Variants in ZNF14 observed in about 807,000 individuals in gnomAD.
ZNF14 encodes zinc finger protein 14.
Under a neutral mutation model 11.3 loss-of-function variants are expected in ZNF14, and 9 were observed. The observed-to-expected ratio is 0.80, with a 90% CI of 0.48 to 1.39. ZNF14 has a LOEUF of 1.39. ZNF14 is among the 40% of genes most tolerant of loss of function. The pLI is 0.00. For synonymous variants in ZNF14, 239 were observed against 245.7 expected (o/e 0.97, Z 0.25); for missense variants, 711 against 763.9 (o/e 0.93, Z 0.82).
intron 1 of ZNF14, among the ~76,000 whole-genome samples, chr19:19,716,977 C>T (rs2062379572): frequency 6.6e-6 from 1 of 152,228 alleles, no homozygotes; most frequent in African/African-American, 2.4e-5. Context: ...TTTTGTCTTC[C>T]CAACACCAAT....
At chr19:19,723,964 TTCTC>T (rs1319117297) in intron 1 of ZNF14, among the ~76,000 whole-genome samples, 3 of 134,036 alleles carry the variant, frequency 2.2e-5, no homozygotes, top group Admixed American at 7.3e-5. Context: ...TATTTGATTC[TTCTC>T]TCTTTTATTC....
At chr19:19,721,808 C>T (rs911434058) in intron 1 of ZNF14, among the ~76,000 whole-genome samples, 1 of 151,860 alleles carries the variant, frequency 6.6e-6, no homozygotes, top group African/African-American at 2.4e-5. Context: ...CTAAAAAATA[C>T]AAAAATTAGC....
intron 1 of ZNF14, among the ~76,000 whole-genome samples, chr19:19,731,874 T>A (rs910219148): frequency 6.6e-6 from 1 of 152,166 alleles, no homozygotes; most frequent in Admixed American, 6.5e-5. Flanking sequence ...GAGACCATCC[T>A]GGCTAACACG....
rs534364282 is a variant in ZNF14, at chr19:19,730,043, G to GT, written c.3+2912dup. ...CAAACTACCTTTATTTATTTAGTTA[G>GT]TTTTTTTTGAGACAGAGTCTCAAGG... is the stretch of plus-strand genomic sequence containing the variant. On this transcript the variant is annotated intron_variant, in intron 1 of 3. Coordinates refer to ENST00000344099, the MANE Select transcript of ZNF14 (RefSeq NM_021030.3). Among the ~76,000 whole-genome samples, 21 of 151,960 alleles carry GT rather than the reference G, an allele frequency of 1.4e-4. No individual in the cohort carries two copies. In the South Asian group the frequency reaches 4.0e-3, roughly 29 times the overall value.
In ZNF14 at chr19:19,727,451, T is replaced by A. The variant is rs1410422484; in HGVS notation, c.3+5505A>T. 4.5e-5 allele frequency among the ~76,000 whole-genome samples: 6 copies of A among 131,870 alleles called. 1 individual carries two copies. The highest frequency in any genetic ancestry group is 1.0e-4 in the Non-Finnish European group (6 of 59,732). The allele number at this position is 131,870 out of a possible 152,430, so 86.5% of individuals were successfully genotyped here. A position where few individuals can be genotyped will look rare whatever the true frequency, so the allele number is the denominator to read the frequency against. On this transcript the variant is annotated intron_variant, in intron 1 of 3. Coordinates refer to ENST00000344099, the MANE Select transcript of ZNF14 (RefSeq NM_021030.3). ...GCACGCAGCCTAAAATATTTTAGAA[T>A]ATAAAAGGGATATAACAGATACAAC...
At position 19,712,581 on chromosome 19, in the gene ZNF14, A is replaced by G. The variant is rs780872280; in HGVS notation, c.700T>C (p.Cys234Arg). ...ECKQCGKAFICYQSFQRHKRT... is the reference protein window; with the variant it reads ...ECKQCGKAFIRYQSFQRHKRT... ...TTGTGTCTTTGAAAAGATTGGTAAC[A>G]TATAAAGGCTTTCCCACACTGTTTA... Residue 234 changes from cysteine to arginine, a missense_variant, in exon 4 of 4, where the codon TGT becomes CGT. Physicochemically the swap from Cys to Arg is radical, Grantham distance 180. Transcript: ENST00000344099. 1.9e-6 allele frequency: 3 copies of G among 1,612,900 alleles called. No individual in the cohort carries two copies. The highest frequency in any genetic ancestry group is 3.3e-5 in the Admixed American group (2 of 59,710).
intron 1 of ZNF14, among the ~76,000 whole-genome samples, chr19:19,729,106 A>G (rs1440571214): frequency 6.6e-6 from 1 of 151,802 alleles, no homozygotes; most frequent in East Asian, 1.9e-4. Flanking sequence ...CCTCCCAAGT[A>G]GCTGGGATTA....
rs779798685 is a variant in ZNF14, at chr19:19,711,482, C to T, written c.1799G>A (p.Ser600Asn). 6.8e-6 allele frequency: 11 copies of T among 1,613,812 alleles called. No individual in the cohort carries two copies. The highest frequency in any genetic ancestry group is 6.7e-5 in the Admixed American group (4 of 59,972). The change falls in exon 4 of 4, where the codon AGT becomes AAT. Residue 600 changes from serine (S) to asparagine (N), a missense_variant. Physicochemically the swap from Ser to Asn is conservative, Grantham distance 46. Coordinates refer to ENST00000344099, the MANE Select transcript of ZNF14 (RefSeq NM_021030.3). Reference sequence around the variant, plus strand: ...AGACCTTTCATGAATTCGAACAGAACTTGAAAATCTGAAGGCTTTCCCACA... The same window carrying T: ...AGACCTTTCATGAATTCGAACAGAATTTGAAAATCTGAAGGCTTTCCCACA... ...KQCGKAFRFSSSVRIHERSHT... is the reference protein window; with the variant it reads ...KQCGKAFRFSNSVRIHERSHT...
At chr19:19,730,488 G>C (rs1306550127) in intron 1 of ZNF14, among the ~76,000 whole-genome samples, 1 of 152,144 alleles carries the variant, frequency 6.6e-6, no homozygotes, top group Non-Finnish European at 1.5e-5. Flanking sequence ...TTTAATTACA[G>C]TATCAATTAC....
chr19:19,715,375 A>C (rs930139591), intron 1 of ZNF14, among the ~76,000 whole-genome samples: 50 of 152,332 alleles, frequency 3.3e-4, no homozygotes, highest in Admixed American at 1.8e-3. Flanking sequence ...GGAGTAATTA[A>C]GGAATCAGAG....
chr19:19,714,713 C>CTTTTCTTTTTTT (rs1555761423), intron 1 of ZNF14, among the ~76,000 whole-genome samples: 1 of 122,850 alleles, frequency 8.1e-6, no homozygotes, highest in African/African-American at 3.0e-5. Context: ...TTTTCTTTTT[C>CTTTTCTTTTTTT]TTTTTTTTTT....
intron 1 of ZNF14, among the ~76,000 whole-genome samples, chr19:19,716,527 G>A (rs1227338201): frequency 6.6e-6 from 1 of 152,034 alleles, no homozygotes; most frequent in Non-Finnish European, 1.5e-5. Context: ...GGGCTCAAGC[G>A]ATCTGCCTGC....
At chr19:19,714,718 T>TTC (rs201192851) in intron 1 of ZNF14, among the ~76,000 whole-genome samples, 1 of 144,638 alleles carries the variant, frequency 6.9e-6, no homozygotes, top group Non-Finnish European at 1.5e-5. Context: ...TTTTTCTTTT[T>TTC]TTTTTTTTTT....
intron 1 of ZNF14, 129 bp downstream of exon 1, chr19:19,732,827 G>A: frequency 7.9e-7 from 1 of 1,272,980 alleles, no homozygotes; most frequent in Non-Finnish European, 1.1e-6. Flanking sequence ...GAGGACCGAG[G>A]GCCGAACTGC....
At chr19:19,716,742 T>G (rs1471248752) in intron 1 of ZNF14, among the ~76,000 whole-genome samples, 1 of 152,156 alleles carries the variant, frequency 6.6e-6, no homozygotes, top group Non-Finnish European at 1.5e-5. Flanking sequence ...CCTTCTTGGA[T>G]CCATTAAAGA....
At chr19:19,724,904 C>A (rs2062402749) in intron 1 of ZNF14, among the ~76,000 whole-genome samples, 1 of 132,206 alleles carries the variant, frequency 7.6e-6, no homozygotes, top group South Asian at 2.5e-4. Flanking sequence ...GGATTGCAAC[C>A]CCTACTTTTG....
Position 19,712,146 on chromosome 19 carries a change from G to T in ZNF14, c.1135C>A (p.Arg379=). 6.2e-7 allele frequency: 1 copy of T among 1,613,952 alleles called. No individual in the cohort carries two copies. The highest frequency in any genetic ancestry group is 8.5e-7 in the Non-Finnish European group (1 of 1,179,996). The change falls in exon 4 of 4, where the codon CGA becomes AGA. Residue 379 remains arginine (R), a synonymous_variant. Coordinates refer to ENST00000344099, the MANE Select transcript of ZNF14 (RefSeq NM_021030.3). ...CCAGTATGAGTTCTTTCATGCAATC[G>T]AAGAGAAATGGACCAACTGAATGAT... is the stretch of plus-strand genomic sequence containing the variant. ...GKSFSWSISL[R]LHERTHTGEK...
chr19:19,727,914 A>G (rs2062410825), intron 1 of ZNF14, among the ~76,000 whole-genome samples: 1 of 133,496 alleles, frequency 7.5e-6, no homozygotes, highest in Non-Finnish European at 1.7e-5. Flanking sequence ...CAAACAGATC[A>G]TTACCCAGCC....
chr19:19,716,691 TC>T (rs1326078098), intron 1 of ZNF14, among the ~76,000 whole-genome samples: 1 of 152,070 alleles, frequency 6.6e-6, no homozygotes, highest in Non-Finnish European at 1.5e-5. Context: ...AAATTGTCAA[TC>T]CCAGCCGTGC....
Sources: gnomAD v4.1 joint callset for allele counts (sites outside exome capture counted in the v4.1 genomes callset) on GRCh38, gnomAD v4.1.1 for gene constraint, MANE v1.5 for transcripts, NCBI Gene and HGNC (gene_info 2026-07-23, HGNC 2026-07-21) for gene names.